PRKN: variants seen among roughly 807,000 people sequenced by gnomAD.
The protein encoded by PRKN is E3 ubiquitin-protein ligase parkin.
A neutral mutation model predicts 59.5 loss-of-function variants in PRKN; 56 were observed. The observed-to-expected ratio is 0.94, with a 90% CI of 0.76 to 1.18. The LOEUF (loss-of-function observed/expected upper bound fraction) is 1.18. PRKN is among the 50% of genes most tolerant of loss of function. The probability of loss-of-function intolerance (pLI) is 0.00; values close to 1 mark genes in which losing one functional copy is unlikely to be tolerated. For synonymous variants in PRKN, 250 were observed against 222.1 expected, an observed-to-expected ratio of 1.13 and a Z score of -1.12; for missense variants, 657 against 596.4, an observed-to-expected ratio of 1.10 and a Z score of -1.06.
chr6:162,636,997 C>T (rs1011314525), intron 1 of PRKN, among the ~76,000 whole-genome samples: 7 of 152,090 alleles, frequency 4.6e-5, no homozygotes, highest in African/African-American at 1.7e-4. Context: ...TGGCTCACGC[C>T]TGTAATCCCA....
chr6:162,449,912 GAGA>G (rs918065868), intron 1 of PRKN, among the ~76,000 whole-genome samples: 1 of 152,200 alleles, frequency 6.6e-6, no homozygotes, highest in African/African-American at 2.4e-5. Context: ...TCCACATCAG[GAGA>G]AGTACAGTTA....
chr6:162,111,889 C>G (rs1365671345), intron 4 of PRKN, among the ~76,000 whole-genome samples: 1 of 152,182 alleles, frequency 6.6e-6, no homozygotes, highest in Admixed American at 6.5e-5. Context: ...ATTCTACCAC[C>G]AATTGTTGAA....
At chr6:162,425,749 G>C (rs1789209217) in intron 2 of PRKN, among the ~76,000 whole-genome samples, 1 of 152,122 alleles carries the variant, frequency 6.6e-6, no homozygotes, top group Non-Finnish European at 1.5e-5. Flanking sequence ...ACTGAAAAAG[G>C]AATAAAAAGT....
intron 4 of PRKN, among the ~76,000 whole-genome samples, chr6:162,152,112 G>A (rs768409432): frequency 7.2e-5 from 11 of 152,126 alleles, no homozygotes; most frequent in Non-Finnish European, 1.3e-4. Flanking sequence ...CAGTAGAATT[G>A]GAAAGAAAGG....
At chr6:162,009,902 C>T (rs757008242) in intron 5 of PRKN, among the ~76,000 whole-genome samples, 9 of 151,690 alleles carry the variant, frequency 5.9e-5, no homozygotes, top group South Asian at 4.2e-4. Context: ...CACCACTGCA[C>T]TCCAGCCTGG....
At chr6:161,481,756 CTGTT>C (rs758351872) in intron 9 of PRKN, among the ~76,000 whole-genome samples, 16 of 152,212 alleles carry the variant, frequency 1.1e-4, no homozygotes, top group Non-Finnish European at 1.8e-4. Context: ...TCCTATCACT[CTGTT>C]TGAGCACTTT....
At chr6:162,338,310 G>A (rs746454005) in intron 2 of PRKN, among the ~76,000 whole-genome samples, 4 of 152,094 alleles carry the variant, frequency 2.6e-5, no homozygotes, top group Non-Finnish European at 5.9e-5. Context: ...CCTCTCATGC[G>A]GAGCCGAAGC....
chr6:161,866,748 A>G (rs1254564220), intron 6 of PRKN, among the ~76,000 whole-genome samples: 1 of 152,158 alleles, frequency 6.6e-6, no homozygotes, highest in African/African-American at 2.4e-5. Flanking sequence ...CGGCAATAAA[A>G]CCAGGTGTGC....
At chr6:162,114,900 T>C (rs1473073673) in intron 4 of PRKN, among the ~76,000 whole-genome samples, 133 of 151,940 alleles carry the variant, frequency 8.8e-4, no homozygotes, top group African/African-American at 3.0e-3. Context: ...GTTGGTGGGA[T>C]TGTAAACTAG....
At chr6:161,858,796 C>T (rs989840430) in intron 6 of PRKN, among the ~76,000 whole-genome samples, 6 of 149,458 alleles carry the variant, frequency 4.0e-5, no homozygotes, top group Non-Finnish European at 5.9e-5. Flanking sequence ...GGCAGCTCTG[C>T]ATGGCCTTTT....
intron 7 of PRKN, among the ~76,000 whole-genome samples, chr6:161,703,350 A>G (rs1042516980): frequency 4.6e-5 from 7 of 152,220 alleles, no homozygotes; most frequent in African/African-American, 1.7e-4. Context: ...CAAAGGAGAT[A>G]TATAAATGGC....
intron 1 of PRKN, among the ~76,000 whole-genome samples, chr6:162,469,747 G>A (rs921476818): frequency 6.6e-6 from 1 of 152,074 alleles, no homozygotes; most frequent in Non-Finnish European, 1.5e-5. Flanking sequence ...TGGGAAGGGG[G>A]TGAGGGATAA....
chr6:161,716,025 T>C, intron 7 of PRKN: 1 of 1,028,642 alleles, frequency 9.7e-7, no homozygotes, highest in South Asian at 1.3e-5. Context: ...TCTGGGGAAT[T>C]GGATCTGGTT....
chr6:162,637,241 T>C (rs1583956173), intron 1 of PRKN, among the ~76,000 whole-genome samples: 1 of 150,548 alleles, frequency 6.6e-6, no homozygotes, highest in African/African-American at 2.4e-5. Flanking sequence ...CTGGTGACAG[T>C]GCAAGACTCC....
chr6:162,699,962 A>G (rs1023983526), intron 1 of PRKN, among the ~76,000 whole-genome samples: 4 of 152,150 alleles, frequency 2.6e-5, no homozygotes, highest in Non-Finnish European at 5.9e-5. Context: ...CACACCTAGA[A>G]CCCTGATGAA....
intron 2 of PRKN, among the ~76,000 whole-genome samples, chr6:162,270,509 GA>G (rs1277821413): frequency 2.6e-5 from 4 of 151,984 alleles, no homozygotes; most frequent in Non-Finnish European, 4.4e-5. Context: ...TAACTTATGG[GA>G]AAAAAATCAT....
intron 1 of PRKN, among the ~76,000 whole-genome samples, chr6:162,540,861 A>G (rs577436602): frequency 2.0e-5 from 3 of 152,222 alleles, no homozygotes; most frequent in Admixed American, 1.3e-4. Context: ...ATTTCTGGAC[A>G]TATCTGTCCA....
intron 9 of PRKN, among the ~76,000 whole-genome samples, chr6:161,509,628 T>G (rs927329396): frequency 3.7e-5 from 3 of 80,148 alleles, no homozygotes; most frequent in Non-Finnish European, 9.0e-5. Context: ...ACCTGTAATC[T>G]CAACACTTGG....
Position 161,475,076 on chromosome 6 carries a change from T to A in PRKN, c.1083+73778A>T, listed in dbSNP as rs1791000219. Reference sequence around the variant, plus strand: ...TGCACCACCATGCCCAGCTAATTTTTAGTAGAGACAGGGTTTCACCATGTT... The same window carrying A: ...TGCACCACCATGCCCAGCTAATTTTAAGTAGAGACAGGGTTTCACCATGTT... On this transcript the variant is annotated intron_variant, in intron 9 of 11. Transcript: ENST00000366898. The surrounding 1 kb of genome is among the most constrained non-coding windows in gnomAD (Gnocchi z 5.3). 6.6e-6 allele frequency among the ~76,000 whole-genome samples: 1 copy of A among 152,088 alleles called. No individual in the cohort carries two copies. Among genetic ancestry groups the A allele is most frequent in the Non-Finnish European group, 1.5e-5 (1 of 68,016 alleles).
Sources: allele counts gnomAD v4.1 joint callset (sites outside exome capture counted in the v4.1 genomes callset), GRCh38; gene constraint gnomAD v4.1.1; non-coding constraint Gnocchi (gnomAD v3.1); transcripts MANE v1.5; gene names NCBI Gene and HGNC (gene_info 2026-07-23, HGNC 2026-07-21).